HECW2: variants seen among roughly 807,000 people sequenced by gnomAD.
HECW2 encodes HECT, C2 and WW domain containing E3 ubiquitin protein ligase 2.
Under a neutral mutation model 175.2 loss-of-function variants are expected in HECW2, and 61 were observed. That is an observed-to-expected ratio of 0.35 (90% CI 0.28 to 0.43). The LOEUF is 0.43. Ranked by LOEUF, HECW2 falls within the 20% of genes least tolerant of loss-of-function variation. HECW2 has a pLI of 1.00. For synonymous variants in HECW2, 671 were observed against 731.0 expected (o/e 0.92, Z 1.32); for missense variants, 1,524 against 2,000.5 (o/e 0.76, Z 4.54).
At chr2:196,240,180 A>C in intron 21 of HECW2, 1 of 269,864 alleles carries the variant, frequency 3.7e-6, no homozygotes, top group Non-Finnish European at 6.9e-6. Flanking sequence ...CTTTAAGAGA[A>C]AGAGAGGTCC....
At position 196,200,144 on chromosome 2, in the gene HECW2, T is replaced by C. The variant is rs547455494; in HGVS notation, c.*1133A>G. On this transcript the variant is annotated 3_prime_UTR_variant, in exon 29 of 29. Transcript: ENST00000644978. ...TAAATGCATATCATACTATCACATA[T>C]AGTGAATCTTAAAAAATTATTACTT... 5.2e-5 allele frequency: 8 copies of C among 152,734 alleles called. No homozygotes were observed. Among genetic ancestry groups the C allele is most frequent in the African/African-American group, 1.9e-4 (8 of 41,572 alleles). 9.5% of individuals were successfully genotyped at this position (152,734 alleles called of 1,614,324 possible). A position where few individuals can be genotyped will look rare whatever the true frequency, so the allele number is the denominator to read the frequency against.
chr2:196,352,507 C>T (rs567853302), intron 2 of HECW2, among the ~76,000 whole-genome samples: 3 of 152,324 alleles, frequency 2.0e-5, no homozygotes, highest in East Asian at 1.9e-4. Context: ...GCACAGGGCA[C>T]ACTTGTTGAA....
chr2:196,585,921 A>G (rs1047809795), intron 1 of HECW2, among the ~76,000 whole-genome samples: 1 of 152,152 alleles, frequency 6.6e-6, no homozygotes, highest in Non-Finnish European at 1.5e-5. Flanking sequence ...GAGAAATCTG[A>G]CAGTTTTCTC....
Position 196,418,819 on chromosome 2 carries a change from A to G in HECW2, c.292+14313T>C, listed in dbSNP as rs565517400. Among the ~76,000 whole-genome samples the G allele has an allele frequency of 2.0e-4, 31 of 152,348 alleles. No individual in the cohort carries two copies. In the South Asian group the frequency reaches 6.4e-3, roughly 32 times the overall value. On this transcript the variant is annotated intron_variant, in intron 2 of 28. Transcript: ENST00000644978. ...AACCTGCAATGATGACTTATTAACT[A>G]TGATCCTGAATATAGAGGATATTTA...
chr2:196,333,029 G>T (rs747349718), intron 4 of HECW2, among the ~76,000 whole-genome samples: 4 of 151,972 alleles, frequency 2.6e-5, no homozygotes, highest in Admixed American at 6.6e-5. Flanking sequence ...TGCCTGCAAC[G>T]CTCTTCCCTC....
At chr2:196,243,077 C>A (rs1038168141) in intron 19 of HECW2, among the ~76,000 whole-genome samples, 1 of 152,010 alleles carries the variant, frequency 6.6e-6, no homozygotes, top group Non-Finnish European at 1.5e-5. Flanking sequence ...AGGGTAAAAT[C>A]TTAATATAAC....
intron 2 of HECW2, among the ~76,000 whole-genome samples, chr2:196,378,049 G>A (rs973973431): frequency 6.6e-6 from 1 of 152,202 alleles, no homozygotes; most frequent in African/African-American, 2.4e-5. Context: ...TCTAAGAGTA[G>A]CAAAATCACA....
At chr2:196,275,354 T>C (rs1042500446) in intron 15 of HECW2, among the ~76,000 whole-genome samples, 3 of 152,210 alleles carry the variant, frequency 2.0e-5, no homozygotes, top group Non-Finnish European at 2.9e-5. Flanking sequence ...TAAAGGTATA[T>C]TTTTCTTTCC....
At chr2:196,212,299 G>C (rs1026304257) in intron 28 of HECW2, among the ~76,000 whole-genome samples, 6 of 152,018 alleles carry the variant, frequency 3.9e-5, no homozygotes, top group East Asian at 1.9e-4. Context: ...TGTCACTCAG[G>C]TATTAAGCCT....
rs73052439 is a variant in HECW2, at chr2:196,207,271, C to T, written c.4608-5883G>A. Among the ~76,000 whole-genome samples, 950 of 152,154 alleles carry T rather than the reference C, an allele frequency of 6.2e-3. 9 individuals are homozygous for T. Among genetic ancestry groups the T allele is most frequent in the African/African-American group, 0.022 (904 of 41,508 alleles). Reference sequence around the variant, plus strand: ...GAGGGACAGATGATGAATTCAAGGGCGTGAAATCAGCATGAGAAATCCAAA... The same window carrying T: ...GAGGGACAGATGATGAATTCAAGGGTGTGAAATCAGCATGAGAAATCCAAA... On this transcript the variant is annotated intron_variant, in intron 28 of 28. Transcript: ENST00000644978.
chr2:196,519,436 T>C (rs1451128076), intron 1 of HECW2, among the ~76,000 whole-genome samples: 3 of 152,228 alleles, frequency 2.0e-5, no homozygotes, highest in South Asian at 2.1e-4. Context: ...AATATCAGCA[T>C]GGTAACCCGT....
Position 196,428,330 on chromosome 2 carries a change from C to T in HECW2, c.292+4802G>A, listed in dbSNP as rs75894822. ...TCTGAAGCTATTTCTGACATACATG[C>T]TATTGTTACGAAACCTGGATTCTCA... On this transcript the variant is annotated intron_variant, in intron 2 of 28. Coordinates refer to ENST00000644978, the MANE Select transcript of HECW2 (RefSeq NM_001348768.2). Among the ~76,000 whole-genome samples the T allele has an allele frequency of 7.3e-3, 1,109 of 152,266 alleles. 12 individuals are homozygous for T. The highest frequency in any genetic ancestry group is 0.025 in the African/African-American group (1,053 of 41,546).
intron 1 of HECW2, among the ~76,000 whole-genome samples, chr2:196,522,536 G>A (rs1230639468): frequency 6.6e-6 from 1 of 151,932 alleles, no homozygotes; most frequent in African/African-American, 2.4e-5. Flanking sequence ...TGGTGTTTTA[G>A]ACATGAAGTC....
intron 1 of HECW2, among the ~76,000 whole-genome samples, chr2:196,540,305 T>A (rs962378280): frequency 1.2e-4 from 19 of 152,248 alleles, no homozygotes; most frequent in African/African-American, 4.3e-4. Context: ...TTGTTCTACT[T>A]ATTAATGACT....
chr2:196,255,542 G>A (rs1274394011), intron 18 of HECW2, among the ~76,000 whole-genome samples: 2 of 152,100 alleles, frequency 1.3e-5, no homozygotes, highest in African/African-American at 4.8e-5. Context: ...TTTTAAAATA[G>A]CCCTATTGGA....
At chr2:196,247,402 CGCT>C (rs1559462251) in intron 19 of HECW2, among the ~76,000 whole-genome samples, 6 of 152,024 alleles carry the variant, frequency 3.9e-5, no homozygotes, top group African/African-American at 1.4e-4. Flanking sequence ...TGGAAGATTG[CGCT>C]AATAAAATTG....
At chr2:196,228,824 T>C (rs139079043) in intron 21 of HECW2, among the ~76,000 whole-genome samples, 178 of 152,324 alleles carry the variant, frequency 1.2e-3, no homozygotes, top group African/African-American at 4.2e-3. Flanking sequence ...GCAAATGTTT[T>C]AAATGATAAA....
chr2:196,276,418 G>A (rs752932472), intron 15 of HECW2, among the ~76,000 whole-genome samples: 3 of 152,186 alleles, frequency 2.0e-5, no homozygotes, highest in Non-Finnish European at 4.4e-5. Context: ...TTTTAAGGTA[G>A]AGGGGTTGAA....
At chr2:196,301,289 T>C (rs1691041119) in intron 13 of HECW2, among the ~76,000 whole-genome samples, 1 of 152,228 alleles carries the variant, frequency 6.6e-6, no homozygotes, top group African/African-American at 2.4e-5. Flanking sequence ...GATGGGCATT[T>C]GGGTTGATTC....
Sources: gnomAD v4.1 joint callset for allele counts (sites outside exome capture counted in the v4.1 genomes callset) on GRCh38, gnomAD v4.1.1 for gene constraint, MANE v1.5 for transcripts, NCBI Gene and HGNC (gene_info 2026-07-23, HGNC 2026-07-21) for gene names.